The following MYO1D variants were observed in gnomAD, a reference collection of about 807,000 sequenced individuals.
MYO1D encodes the protein unconventional myosin-Id.
A neutral mutation model predicts 122.0 loss-of-function variants in MYO1D; 83 were observed. The ratio of observed to expected loss-of-function variants is 0.68; its 90% CI spans 0.57 to 0.82. MYO1D has a LOEUF of 0.82. Ranked by LOEUF, MYO1D falls within the 40% of genes least tolerant of loss-of-function variation. The pLI, the probability that MYO1D is intolerant of heterozygous loss-of-function variation, is 0.00. For missense variants in MYO1D, 1,157 were observed against 1,269.5 expected (o/e 0.91, Z 1.35); for synonymous variants, 464 against 446.9 (o/e 1.04, Z -0.48).
chr17:32,702,322 A>G (rs1367704820), intron 16 of MYO1D, among the ~76,000 whole-genome samples: 1 of 152,192 alleles, frequency 6.6e-6, no homozygotes, highest in Non-Finnish European at 1.5e-5. Flanking sequence ...TATTTTCATA[A>G]TATTAGTTTG....
chr17:32,534,522 C>T (rs539961302), intron 21 of MYO1D, among the ~76,000 whole-genome samples: 2 of 152,108 alleles, frequency 1.3e-5, no homozygotes, highest in African/African-American at 4.8e-5. Flanking sequence ...GTAATGAGGG[C>T]ACATATAGAC....
intron 21 of MYO1D, among the ~76,000 whole-genome samples, chr17:32,511,005 C>A (rs1909677505): frequency 6.6e-6 from 1 of 151,802 alleles, no homozygotes; most frequent in Non-Finnish European, 1.5e-5. Flanking sequence ...CAAACCAAAG[C>A]CCCATCACAA....
intron 1 of MYO1D, among the ~76,000 whole-genome samples, chr17:32,850,898 T>C (rs892470334): frequency 1.3e-4 from 19 of 150,904 alleles, no homozygotes; most frequent in Non-Finnish European, 2.5e-4. Context: ...GTACCTACTT[T>C]AAATTTTAGT....
At chr17:32,695,803 G>A (rs1380801109) in intron 16 of MYO1D, among the ~76,000 whole-genome samples, 1 of 152,180 alleles carries the variant, frequency 6.6e-6, no homozygotes, top group Non-Finnish European at 1.5e-5. Flanking sequence ...ATTTTGGAAA[G>A]CAACTGGGCA....
intron 21 of MYO1D, among the ~76,000 whole-genome samples, chr17:32,600,058 C>T (rs1368793808): frequency 6.6e-6 from 1 of 152,234 alleles, no homozygotes; most frequent in Non-Finnish European, 1.5e-5. Context: ...CAACATTAAT[C>T]AAGCCTTGTA....
Position 32,513,172 on chromosome 17 carries a change from C to T in MYO1D, c.2865-18257G>A, listed in dbSNP as rs1486870977. ...TATACAGTAGGTGCTTAATAAAGAGCCAATACATGAAATTGATAGAGATAA... is the reference window on the plus strand; with the variant it reads ...TATACAGTAGGTGCTTAATAAAGAGTCAATACATGAAATTGATAGAGATAA... On this transcript the variant is annotated intron_variant, in intron 21 of 21. Transcript: ENST00000318217. Among the ~76,000 whole-genome samples, 7 of 152,086 alleles carry T rather than the reference C, an allele frequency of 4.6e-5. No homozygotes were observed. The East Asian group carries it at 1.3e-3, about 29-fold the overall frequency.
intron 14 of MYO1D, among the ~76,000 whole-genome samples, chr17:32,722,871 G>A (rs2089528480): frequency 6.6e-6 from 1 of 152,010 alleles, no homozygotes; most frequent in South Asian, 2.1e-4. Flanking sequence ...CTCATAGCTG[G>A]GCATCTAGAT....
chr17:32,846,385 G>A (rs190158326), intron 1 of MYO1D, among the ~76,000 whole-genome samples: 2 of 152,262 alleles, frequency 1.3e-5, no homozygotes, highest in African/African-American at 4.8e-5. Flanking sequence ...TCCACAATAT[G>A]AGCCAAGCAC....
rs551874433 is a variant in MYO1D at position 32,557,861 on chromosome 17, T to C, written c.2864+47226A>G. On this transcript the variant is annotated intron_variant, in intron 21 of 21. Coordinates refer to ENST00000318217, the MANE Select transcript of MYO1D (RefSeq NM_015194.3). ...AATTGTGTTTATAAATAACATTTTA[T>C]GGGAACACAGCCACGCTCATTCATT... 3.3e-5 allele frequency among the ~76,000 whole-genome samples: 5 copies of C among 152,170 alleles called. No individual in the cohort carries two copies. The East Asian group carries it at 9.8e-4, about 30-fold the overall frequency.
At chr17:32,747,978 C>T (rs922601313) in intron 12 of MYO1D, among the ~76,000 whole-genome samples, 19 of 152,136 alleles carry the variant, frequency 1.2e-4, no homozygotes, top group African/African-American at 4.3e-4. Flanking sequence ...GGAACAGACT[C>T]CTCTCTACAG....
Position 32,654,493 on chromosome 17 carries a change from C to A in MYO1D, c.2474G>T (p.Gly825Val). Residue 825 changes from glycine to valine, a missense_variant, in exon 18 of 22, where the codon GGC (glycine) becomes GTC (valine). Physicochemically the swap from Gly to Val is moderately radical, Grantham distance 109 (BLOSUM62 -3). Coordinates refer to ENST00000318217, the MANE Select transcript of MYO1D (RefSeq NM_015194.3). The stretch of plus-strand genomic sequence containing the variant: ...TGGACTTACTGAAGCAAGATAGTTG[C>A]CCTCCCAGGCCCTCTGGAGCCCGAG... ...ADLGLQRAWEGNYLASKPDTP... is the reference protein window; with the variant it reads ...ADLGLQRAWEVNYLASKPDTP... The A allele has an allele frequency of 1.2e-6, 2 of 1,612,424 alleles. No individual in the cohort carries two copies. The highest frequency in any genetic ancestry group is 1.1e-5 in the South Asian group (1 of 90,684).
At chr17:32,641,414 A>AGT (rs2088198962) in intron 19 of MYO1D, among the ~76,000 whole-genome samples, 1 of 152,276 alleles carries the variant, frequency 6.6e-6, no homozygotes, top group East Asian at 1.9e-4. Flanking sequence ...ATGTGTCTTT[A>AGT]TAGCAGCATG....
At chr17:32,557,643 A>T (rs2087080349) in intron 21 of MYO1D, among the ~76,000 whole-genome samples, 2 of 151,808 alleles carry the variant, frequency 1.3e-5, no homozygotes, top group South Asian at 2.1e-4. Context: ...AGTAGCTGGG[A>T]CTACAGGAGC....
chr17:32,780,490 T>C (rs2090223690), intron 2 of MYO1D, 86 bp downstream of exon 2: 2 of 1,389,872 alleles, frequency 1.4e-6, no homozygotes, highest in Non-Finnish European at 2.0e-6. Flanking sequence ...TTTAAAAAAA[T>C]ATTTAATCAA....
chr17:32,755,273 C>T (rs2089935601), intron 11 of MYO1D, among the ~76,000 whole-genome samples: 1 of 152,154 alleles, frequency 6.6e-6, no homozygotes, highest in African/African-American at 2.4e-5. Context: ...GTCTGGAGCT[C>T]CCTCTCCTGG....
At chr17:32,842,208 A>G (rs140035781) in intron 1 of MYO1D, among the ~76,000 whole-genome samples, 118 of 152,286 alleles carry the variant, frequency 7.7e-4, no homozygotes, top group Non-Finnish European at 1.4e-3. Flanking sequence ...GACTGGGAAG[A>G]CAGGGATACA....
At chr17:32,563,880 T>C (rs73276398) in intron 21 of MYO1D, among the ~76,000 whole-genome samples, 4,498 of 152,336 alleles carry the variant, frequency 0.03, 211 homozygotes, top group African/African-American at 0.099. Context: ...ATTTAGTTTC[T>C]TAAACCCCTT....
At chr17:32,569,030 G>A (rs1207577308) in intron 21 of MYO1D, among the ~76,000 whole-genome samples, 1 of 152,100 alleles carries the variant, frequency 6.6e-6, no homozygotes, top group Non-Finnish European at 1.5e-5. Flanking sequence ...TACATCCTTC[G>A]TGTTCAGAAA....
In MYO1D at chr17:32,552,986, C is replaced by T. The variant is rs114998932; in HGVS notation, c.2864+52101G>A. On this transcript the variant is annotated intron_variant, in intron 21 of 21. Transcript: ENST00000318217. ...GCACAGTGACTCACGCCCATAATCCCAGCACTCTGGGAGGCTGAGGCAGGA... is the reference window on the plus strand; with the variant it reads ...GCACAGTGACTCACGCCCATAATCCTAGCACTCTGGGAGGCTGAGGCAGGA... 4.9e-3 allele frequency among the ~76,000 whole-genome samples: 735 copies of T among 150,860 alleles called. 6 individuals carry two copies. Among genetic ancestry groups the T allele is most frequent in the African/African-American group, 0.017 (689 of 41,148 alleles).
Sources: allele counts gnomAD v4.1 joint callset (sites outside exome capture counted in the v4.1 genomes callset), GRCh38; gene constraint gnomAD v4.1.1; transcripts MANE v1.5; gene names NCBI Gene and HGNC (gene_info 2026-07-23, HGNC 2026-07-21).